Variants in NRG1 observed in about 807,000 individuals in gnomAD.
The protein encoded by NRG1 is neuregulin 1.
A neutral mutation model predicts 63.8 loss-of-function variants in NRG1; 18 were observed. That is an observed-to-expected ratio of 0.28 (90% CI 0.19 to 0.42). The LOEUF (loss-of-function observed/expected upper bound fraction) is 0.42, where lower values mean the gene tolerates loss of function less well. NRG1 is among the 10% of genes least tolerant of loss of function. The pLI is 1.00. For synonymous variants in NRG1, 302 were observed against 301.3 expected, an observed-to-expected ratio of 1.00 and a Z score of -0.02; for missense variants, 762 against 814.7, an observed-to-expected ratio of 0.94 and a Z score of 0.79.
chr8:31,700,341 T>G (rs1319284929), intron 1 of NRG1, among the ~76,000 whole-genome samples: 1 of 152,140 alleles, frequency 6.6e-6, no homozygotes, highest in Non-Finnish European at 1.5e-5. Context: ...GAAGGATGCT[T>G]ACATGAACAA....
At chr8:32,502,127 T>C (rs1031082483) in intron 1 of NRG1, among the ~76,000 whole-genome samples, 3 of 152,184 alleles carry the variant, frequency 2.0e-5, no homozygotes, top group Middle Eastern at 3.4e-3. Context: ...CTGTAGGCTA[T>C]ACAAGAAGCA....
At position 32,162,674 on chromosome 8, in the gene NRG1, A is replaced by G. The variant is rs969822564; in HGVS notation, c.38-433154A>G. 3.9e-5 allele frequency among the ~76,000 whole-genome samples: 6 copies of G among 152,190 alleles called. No individual in the cohort carries two copies. The East Asian group carries it at 1.2e-3, about 29-fold the overall frequency. On this transcript the variant is annotated intron_variant, in intron 1 of 10. Coordinates refer to the NRG1 transcript ENST00000519301. ...AAACTTGAGTTATGATGTAAACTCA[A>G]GACTCTTAAATTTGTGATTAATCCT...
intron 1 of NRG1, among the ~76,000 whole-genome samples, chr8:31,931,366 G>T (rs949280937): frequency 6.6e-6 from 1 of 152,106 alleles, no homozygotes; most frequent in Non-Finnish European, 1.5e-5. Flanking sequence ...GAAGGTCCAG[G>T]CTTGGACAAC....
intron 1 of NRG1, among the ~76,000 whole-genome samples, chr8:31,950,324 A>G (rs1803268827): frequency 1.3e-5 from 2 of 152,250 alleles, no homozygotes; most frequent in African/African-American, 4.8e-5. Flanking sequence ...CTTTTTAAGT[A>G]GCCTTTTACC....
chr8:32,528,159 CTG>C (rs1458059126), intron 1 of NRG1, among the ~76,000 whole-genome samples: 1 of 152,216 alleles, frequency 6.6e-6, no homozygotes, highest in Non-Finnish European at 1.5e-5. Context: ...CTTGATCACT[CTG>C]TGTAAAATAG....
intron 5 of NRG1, among the ~76,000 whole-genome samples, chr8:32,718,041 A>G (rs1018211952): frequency 2.6e-5 from 4 of 152,168 alleles, no homozygotes; most frequent in East Asian, 1.9e-4. Flanking sequence ...CAAGCCAACT[A>G]TGGTATTGTC....
chr8:32,718,152 T>G (rs1589392349), intron 5 of NRG1, among the ~76,000 whole-genome samples: 1 of 152,276 alleles, frequency 6.6e-6, no homozygotes, highest in Non-Finnish European at 1.5e-5. Flanking sequence ...GTGTTACCGG[T>G]GAGTATTGCA....
chr8:32,707,390 G>T (rs1021872785), intron 5 of NRG1, among the ~76,000 whole-genome samples: 1 of 151,960 alleles, frequency 6.6e-6, no homozygotes, highest in Non-Finnish European at 1.5e-5. Flanking sequence ...AAAGATATGA[G>T]GGGAAAAAAG....
intron 7 of NRG1, chr8:32,749,879 G>A (rs1828335922): frequency 2.5e-6 from 1 of 396,430 alleles, no homozygotes; most frequent in South Asian, 3.7e-5. Context: ...ATTGGATCTA[G>A]CTCTGCTGTT....
At chr8:32,449,559 A>AATTC (rs1026762631) in intron 1 of NRG1, among the ~76,000 whole-genome samples, 8 of 152,232 alleles carry the variant, frequency 5.3e-5, no homozygotes, top group Admixed American at 3.9e-4. Flanking sequence ...AGCATAGGAA[A>AATTC]ATTCATTCAT....
At chr8:32,086,962 G>A (rs1168921094) in intron 1 of NRG1, among the ~76,000 whole-genome samples, 1 of 152,106 alleles carries the variant, frequency 6.6e-6, no homozygotes, top group African/African-American at 2.4e-5. Context: ...GTTAACTCTA[G>A]ATAGGACGTT....
intron 1 of NRG1, among the ~76,000 whole-genome samples, chr8:32,364,491 TATAG>T (rs1807678642): frequency 6.6e-6 from 1 of 152,190 alleles, no homozygotes; most frequent in Admixed American, 6.5e-5. Context: ...ATTACACATA[TATAG>T]ATAATTTTTC....
intron 1 of NRG1, among the ~76,000 whole-genome samples, chr8:32,294,276 T>G (rs1289704736): frequency 2.0e-5 from 3 of 151,950 alleles, no homozygotes; most frequent in Non-Finnish European, 4.4e-5. Flanking sequence ...TCAACTGTTG[T>G]ATAAATATTC....
chr8:31,911,272 G>T (rs1345809180), intron 1 of NRG1, among the ~76,000 whole-genome samples: 1 of 152,128 alleles, frequency 6.6e-6, no homozygotes, highest in African/African-American at 2.4e-5. Context: ...CTATCATAAA[G>T]ACAAATGCAT....
intron 1 of NRG1, among the ~76,000 whole-genome samples, chr8:32,213,626 T>A (rs1256094426): frequency 2.0e-5 from 3 of 151,730 alleles, no homozygotes; most frequent in Non-Finnish European, 4.4e-5. Context: ...TTTAAAAAAA[T>A]TTAAAAAAAA....
intron 7 of NRG1, among the ~76,000 whole-genome samples, chr8:32,744,640 A>C (rs1017216341): frequency 5.3e-5 from 8 of 152,122 alleles, no homozygotes; most frequent in Non-Finnish European, 1.0e-4. Context: ...TTAGACTTTA[A>C]TGACAATTCT....
chr8:32,220,147 A>AT lies in NRG1; in HGVS notation c.38-375671dup, dbSNP rs58299349. Among the ~76,000 whole-genome samples the AT allele has an allele frequency of 9.7e-3, 1,463 of 150,164 alleles. 24 individuals carry two copies. The highest frequency in any genetic ancestry group is 0.033 in the African/African-American group (1,345 of 41,008). ...ACAGTGGGGACTATTAACACATCAT[A>AT]TTTTTTTTTTCCTGCAGTTACTCAA... On this transcript the variant is annotated intron_variant, in intron 1 of 10. Transcript: ENST00000519301.
intron 1 of NRG1, among the ~76,000 whole-genome samples, chr8:32,306,634 T>A (rs559765626): frequency 6.6e-6 from 1 of 152,312 alleles, no homozygotes; most frequent in East Asian, 1.9e-4. Context: ...CATTTAATTA[T>A]GAATCTGCCT....
chr8:31,800,099 C>T (rs925064373), intron 1 of NRG1, among the ~76,000 whole-genome samples: 1 of 152,102 alleles, frequency 6.6e-6, no homozygotes, highest in African/African-American at 2.4e-5. Context: ...AGTATATCTC[C>T]TAGTTTTTTC....
Sources: gnomAD v4.1 joint callset for allele counts (sites outside exome capture counted in the v4.1 genomes callset) on GRCh38, gnomAD v4.1.1 for gene constraint, MANE v1.5 for transcripts, NCBI Gene and HGNC (gene_info 2026-07-23, HGNC 2026-07-21) for gene names.